Variants in RPH3A observed in about 807,000 individuals in gnomAD.
RPH3A encodes rabphilin 3A.
A neutral mutation model predicts 102.2 loss-of-function variants in RPH3A; 48 were observed. That is an observed-to-expected ratio of 0.47 (90% CI 0.37 to 0.60). The LOEUF (loss-of-function observed/expected upper bound fraction) is 0.60, where lower values mean the gene tolerates loss of function less well. RPH3A is among the 20% of genes least tolerant of loss of function. The probability of loss-of-function intolerance (pLI) is 0.00; values close to 1 mark genes in which losing one functional copy is unlikely to be tolerated. For missense variants in RPH3A, 781 were observed against 910.1 expected (o/e 0.86, Z 1.83); for synonymous variants, 310 against 324.3 (o/e 0.96, Z 0.47).
intron 2 of RPH3A, among the ~76,000 whole-genome samples, chr12:112,811,041 T>C (rs922620349): frequency 2.0e-5 from 3 of 152,128 alleles, no homozygotes; most frequent in Non-Finnish European, 4.4e-5. Context: ...GATAGTTATG[T>C]TCTGCAAAGT....
At chr12:112,739,732 C>T (rs1019395050) in intron 1 of RPH3A, among the ~76,000 whole-genome samples, 2 of 152,226 alleles carry the variant, frequency 1.3e-5, no homozygotes, top group Non-Finnish European at 2.9e-5. Flanking sequence ...CTACAGCCCA[C>T]ATCTTCCACA....
rs373324315 is a variant in RPH3A, at chr12:112,708,340, T to C, written c.-139-83803T>C. ...GGACCAGGAGGGGAAAAGGGGCACATAACCTCTTTGGGCTGTCCAGGCGGA... is the reference window on the plus strand; with the variant it reads ...GGACCAGGAGGGGAAAAGGGGCACACAACCTCTTTGGGCTGTCCAGGCGGA... On this transcript the variant is annotated intron_variant, in intron 1 of 21. Coordinates refer to the RPH3A transcript ENST00000543106. Among the ~76,000 whole-genome samples, 5 of 152,162 alleles carry C rather than the reference T, an allele frequency of 3.3e-5. No individual in the cohort carries two copies. In the East Asian group the frequency reaches 9.6e-4, roughly 29 times the overall value.
rs568710724 is a variant in RPH3A, at chr12:112,877,405, C to T, written c.1171+539C>T. ...TCCCAGGGATACGCACACACGTATACACACACACACGTATACACACACACA... is the reference window on the plus strand; with the variant it reads ...TCCCAGGGATACGCACACACGTATATACACACACACGTATACACACACACA... On this transcript the variant is annotated intron_variant, in intron 13 of 21. Transcript: ENST00000389385. Among the ~76,000 whole-genome samples, 85 of 143,878 alleles carry T rather than the reference C, an allele frequency of 5.9e-4. 1 individual carries two copies. The highest frequency in any genetic ancestry group is 1.0e-3 in the Non-Finnish European group (66 of 66,318). 94.4% of individuals were successfully genotyped at this position (143,878 alleles called of 152,430 possible).
intron 4 of RPH3A, among the ~76,000 whole-genome samples, chr12:112,845,166 GAATA>G (rs777869148): frequency 1.3e-5 from 2 of 152,194 alleles, no homozygotes; most frequent in Non-Finnish European, 2.9e-5. Flanking sequence ...AGGAGGGTAT[GAATA>G]ACAGGAGGCA....
intron 2 of RPH3A, among the ~76,000 whole-genome samples, chr12:112,809,614 C>T (rs887941499): frequency 2.0e-5 from 3 of 152,164 alleles, no homozygotes; most frequent in African/African-American, 7.2e-5. Flanking sequence ...GCTCTGCATG[C>T]CTCATTTCAT....
chr12:112,845,753 A>G (rs2042218756), intron 4 of RPH3A, among the ~76,000 whole-genome samples: 1 of 152,242 alleles, frequency 6.6e-6, no homozygotes, highest in South Asian at 2.1e-4. Context: ...AACCAGGGCC[A>G]GATAAGGTCC....
chr12:112,857,881 A>G (rs1593090250), intron 5 of RPH3A, among the ~76,000 whole-genome samples: 1 of 152,086 alleles, frequency 6.6e-6, no homozygotes, highest in South Asian at 2.1e-4. Flanking sequence ...AAGACCAGAA[A>G]CCTGCCTGCT....
intron 1 of RPH3A, among the ~76,000 whole-genome samples, chr12:112,708,282 C>T (rs2040438189): frequency 6.6e-6 from 1 of 152,168 alleles, no homozygotes; most frequent in South Asian, 2.1e-4. Flanking sequence ...CTCGTTAACC[C>T]TGTGGAGATG....
At chr12:112,638,926 G>A (rs1256986698) in intron 1 of RPH3A, among the ~76,000 whole-genome samples, 1 of 152,174 alleles carries the variant, frequency 6.6e-6, no homozygotes, top group Admixed American at 6.5e-5. Context: ...GCCCAGGACA[G>A]CTCCCATTGA....
rs58372455 is a variant in RPH3A at position 112,693,572 on chromosome 12, G to T, written c.-139-98571G>T. 9.0e-3 allele frequency among the ~76,000 whole-genome samples: 1,367 copies of T among 152,124 alleles called. 29 individuals carry two copies. Among genetic ancestry groups the T allele is most frequent in the African/African-American group, 0.031 (1,295 of 41,512 alleles). On this transcript the variant is annotated intron_variant, in intron 1 of 21. Transcript: ENST00000543106. ...TTGCCTTCTCCTCTTCACTGCCTTT[G>T]CTCCTGCCACGTGGCCCATCTGTTC... is the stretch of plus-strand genomic sequence containing the variant.
intron 13 of RPH3A, 59 bp from the exon 14 acceptor site, chr12:112,879,060 A>T: frequency 1.4e-6 from 2 of 1,426,310 alleles, no homozygotes; most frequent in Non-Finnish European, 2.0e-6. Flanking sequence ...AGTGTTCAGG[A>T]AATGTTTGCT....
intron 17 of RPH3A, 117 bp from the exon 18 acceptor site, chr12:112,889,907 G>A: frequency 1.1e-6 from 1 of 911,042 alleles, no homozygotes; most frequent in Non-Finnish European, 1.7e-6. Context: ...AGTAGCTTAA[G>A]AACCCACTTT....
chr12:112,602,050 T>C (rs1043124186), intron 1 of RPH3A, among the ~76,000 whole-genome samples: 1 of 152,138 alleles, frequency 6.6e-6, no homozygotes, highest in African/African-American at 2.4e-5. Flanking sequence ...CAGAGGTGGG[T>C]ATTGCTGAGG....
intron 1 of RPH3A, among the ~76,000 whole-genome samples, chr12:112,703,529 A>C (rs772362245): frequency 3.9e-5 from 6 of 152,250 alleles, no homozygotes; most frequent in Non-Finnish European, 8.8e-5. Flanking sequence ...AGCATTAATC[A>C]GGCTGCACTT....
intron 1 of RPH3A, among the ~76,000 whole-genome samples, chr12:112,676,555 A>G (rs1038458312): frequency 6.6e-6 from 1 of 152,260 alleles, no homozygotes; most frequent in Non-Finnish European, 1.5e-5. Flanking sequence ...GATGCCAATA[A>G]GAGAGCGACT....
intron 15 of RPH3A, among the ~76,000 whole-genome samples, chr12:112,882,077 G>T (rs1030654433): frequency 2.0e-5 from 3 of 152,202 alleles, no homozygotes; most frequent in African/African-American, 7.2e-5. Context: ...GATCTGGGCA[G>T]CTGCCAATGC....
chr12:112,870,038 A>G lies in RPH3A; in HGVS notation c.795A>G (p.Ala265=). The change falls in exon 10 of 22, where the codon GCA becomes GCG. Residue 265 remains alanine, a splice_region_variant and synonymous_variant. Coordinates refer to ENST00000389385, the MANE Select transcript of RPH3A (RefSeq NM_001143854.2). ...CTGGAGACTCCAGCCGGAGCCCAGC[A>G]GGTGAGCAAGATGGGCAAATCCAGA... The part of the protein sequence containing the change: ...GGAGDSSRSP[A]GLRRANSVQA... The G allele has an allele frequency of 6.2e-7, 1 of 1,610,352 alleles. No individual in the cohort carries two copies. The highest frequency in any genetic ancestry group is 8.5e-7 in the Non-Finnish European group (1 of 1,178,742).
At chr12:112,847,617 C>T in intron 4 of RPH3A, 79 bp from the exon 5 acceptor site, 2 of 1,490,072 alleles carry the variant, frequency 1.3e-6, no homozygotes, top group Non-Finnish European at 1.8e-6. Context: ...TCCACAGTTT[C>T]CCAGACAGTG....
chr12:112,833,730 G>GTT (rs71445581), intron 3 of RPH3A, among the ~76,000 whole-genome samples: 18 of 143,692 alleles, frequency 1.3e-4, no homozygotes, highest in East Asian at 2.1e-4. Flanking sequence ...ATAATTTCAT[G>GTT]TTTTTTTTTT....
Sources: gnomAD v4.1 joint callset for allele counts (sites outside exome capture counted in the v4.1 genomes callset) on GRCh38, gnomAD v4.1.1 for gene constraint, MANE v1.5 for transcripts, NCBI Gene and HGNC (gene_info 2026-07-23, HGNC 2026-07-21) for gene names.